Variants in MORC2 observed in about 807,000 individuals in gnomAD.
The protein encoded by MORC2 is MORC family CW-type zinc finger 2.
A neutral mutation model predicts 136.0 loss-of-function variants in MORC2; 30 were observed. The observed-to-expected ratio is 0.22, with a 90% CI of 0.17 to 0.30. MORC2 has a LOEUF of 0.30. Among genes scored for constraint, MORC2 ranks in the 10% least tolerant of loss-of-function variants. The probability of loss-of-function intolerance (pLI) is 1.00; values close to 1 mark genes in which losing one functional copy is unlikely to be tolerated. For synonymous variants in MORC2, 439 were observed against 487.0 expected (o/e 0.90, Z 1.30); for missense variants, 922 against 1,333.1 (o/e 0.69, Z 4.80).
At chr22:30,944,199 C>T (rs990394181) in intron 6 of MORC2, among the ~76,000 whole-genome samples, 14 of 152,152 alleles carry the variant, frequency 9.2e-5, no homozygotes, top group Non-Finnish European at 1.9e-4. Context: ...AAATAGCGAC[C>T]TTCTAGCACC....
chr22:30,952,671 A>C (rs762217524), intron 3 of MORC2, among the ~76,000 whole-genome samples: 87 of 152,240 alleles, frequency 5.7e-4, no homozygotes, highest in Non-Finnish European at 1.2e-3. Flanking sequence ...CAACTTTGTA[A>C]ACAGACAGTG....
At position 30,933,020 on chromosome 22, in the gene MORC2, C is replaced by T. The variant is rs1407905522; in HGVS notation, c.2391G>A (p.Leu797=). The T allele has an allele frequency of 6.2e-7, 1 of 1,613,948 alleles. No homozygotes were observed. The highest frequency in any genetic ancestry group is 1.3e-5 in the African/African-American group (1 of 74,944). ...CCCTGTTCACACGCACCTCCACGTG[C>T]AGCCCTTTATCTGACAATGTAGACA... is the stretch of plus-strand genomic sequence containing the variant. ...DLKRAQKDKG[L]HVEVRVNREW... Residue 797 remains leucine, a synonymous_variant, in exon 22 of 26, where the codon CTG becomes CTA. Transcript: ENST00000397641.
At chr22:30,946,883 C>T (rs1410357643) in intron 5 of MORC2, among the ~76,000 whole-genome samples, 3 of 152,004 alleles carry the variant, frequency 2.0e-5, no homozygotes, top group African/African-American at 7.3e-5. Context: ...TAGCTGGTAC[C>T]CTCAACACGT....
In MORC2 at chr22:30,932,342, G is replaced by C. The variant is rs1426263323; in HGVS notation, c.2841+17C>G. On this transcript the variant is annotated intron_variant, in intron 24 of 25. Coordinates refer to ENST00000397641, the MANE Select transcript of MORC2 (RefSeq NM_001303256.3). This position sits in a 1 kb window ranked among gnomAD's most constrained non-coding sequence, Gnocchi z 4.4. ...GGGGAATGAAGAGTGTGGAATCGAA[G>C]GTCAGGCCAGACTCACCAGAGGAAA... is the stretch of plus-strand genomic sequence containing the variant. 6.3e-7 allele frequency: 1 copy of C among 1,592,056 alleles called. No homozygotes were observed. Among genetic ancestry groups the C allele is most frequent in the Non-Finnish European group, 8.6e-7 (1 of 1,161,818 alleles).
chr22:30,927,961 G>A, intron 25 of MORC2, 58 bp downstream of exon 25: 2 of 1,592,654 alleles, frequency 1.3e-6, no homozygotes, highest in Non-Finnish European at 1.7e-6. Flanking sequence ...CAGGGCCCAG[G>A]CCCCCCTCCC....
intron 4 of MORC2, 40 bp downstream of exon 4, chr22:30,950,337 G>GCAAA: frequency 2.6e-6 from 2 of 761,762 alleles, no homozygotes; most frequent in South Asian, 1.4e-5. Flanking sequence ...TGGTTACATC[G>GCAAA]CACCCCCCCA....
chr22:30,966,735 G>A (rs183064712), intron 1 of MORC2, among the ~76,000 whole-genome samples: 61 of 152,132 alleles, frequency 4.0e-4, no homozygotes, highest in Middle Eastern at 3.4e-3. Flanking sequence ...CCAAGATTGC[G>A]CCACCCCACT....
rs560801094 is a variant in MORC2, at chr22:30,943,649, A to G, written c.427-1378T>C. Reference sequence around the variant, plus strand: ...GCCAGGCTAAGCACCTCAGGGGTTCAAACCCTTAGGAAAAAGGGACTCTGT... The same window carrying G: ...GCCAGGCTAAGCACCTCAGGGGTTCGAACCCTTAGGAAAAAGGGACTCTGT... On this transcript the variant is annotated intron_variant, in intron 6 of 25. Coordinates refer to ENST00000397641, the MANE Select transcript of MORC2 (RefSeq NM_001303256.3). Among the ~76,000 whole-genome samples, 12 of 152,352 alleles carry G rather than the reference A, an allele frequency of 7.9e-5. No homozygotes were observed. The South Asian group carries it at 2.3e-3, about 29-fold the overall frequency.
intron 2 of MORC2, among the ~76,000 whole-genome samples, chr22:30,957,385 A>T (rs1022138677): frequency 7.9e-5 from 12 of 152,244 alleles, no homozygotes; most frequent in African/African-American, 2.2e-4. Context: ...AATCATACAG[A>T]TTCAGTTATC....
chr22:30,926,305 A>G lies in MORC2; in HGVS notation c.*498T>C, dbSNP rs766857327. 7.2e-4 allele frequency: 110 copies of G among 152,598 alleles called. No homozygotes were observed. Among genetic ancestry groups the G allele is most frequent in the Non-Finnish European group, 1.3e-3 (91 of 68,342 alleles). 9.5% of individuals were successfully genotyped at this position (152,598 alleles called of 1,614,324 possible). The stretch of plus-strand genomic sequence containing the variant: ...CCCTCCAATGTGGAACCTCCTACAC[A>G]GCCCCCCTTTTGGGTCCCTGGATAT... On this transcript the variant is annotated 3_prime_UTR_variant, in exon 26 of 26. Transcript: ENST00000397641.
Position 30,934,010 on chromosome 22 carries a change from C to A in MORC2, c.2325+50G>T, listed in dbSNP as rs369214361. ...GGGGGGTGCAGACTGCTGGTGGGGGCTGCAGGCCCTAGAGAGAGAGGCTTT... is the reference window on the plus strand; with the variant it reads ...GGGGGGTGCAGACTGCTGGTGGGGGATGCAGGCCCTAGAGAGAGAGGCTTT... On this transcript the variant is annotated intron_variant, in intron 20 of 25. Transcript: ENST00000397641. The surrounding 1 kb of genome is among the most constrained non-coding windows in gnomAD (Gnocchi z 4.4). 3.2e-5 allele frequency: 52 copies of A among 1,608,326 alleles called. No homozygotes were observed. The highest frequency in any genetic ancestry group is 4.2e-5 in the Non-Finnish European group (50 of 1,176,768).
chr22:30,950,351 C>CCCCCA, intron 4 of MORC2, 26 bp downstream of exon 4: 1 of 1,380,294 alleles, frequency 7.2e-7, no homozygotes, highest in Non-Finnish European at 1.0e-6. Flanking sequence ...CCCCCCACCC[C>CCCCCA]CCAAAACAAT....
At chr22:30,926,897 A>T in intron 25 of MORC2, 26 bp from the exon 26 acceptor site, 3 of 1,601,356 alleles carry the variant, frequency 1.9e-6, no homozygotes, top group Non-Finnish European at 2.6e-6. Flanking sequence ...GTAGGGATCA[A>T]CTGGGGGCCA....
chr22:30,931,040 G>A (rs1307899004), intron 24 of MORC2, among the ~76,000 whole-genome samples: 3 of 152,054 alleles, frequency 2.0e-5, no homozygotes, highest in Non-Finnish European at 2.9e-5. Flanking sequence ...GTCTCCTGAC[G>A]ACCTCTGACA....
At chr22:30,938,361 T>G (rs1367358462) in intron 12 of MORC2, among the ~76,000 whole-genome samples, 156 bp from the exon 13 acceptor site, 2 of 152,206 alleles carry the variant, frequency 1.3e-5, no homozygotes, top group Non-Finnish European at 2.9e-5. Context: ...GATATGGACA[T>G]GCACTGGGCA....
chr22:30,949,062 T>C (rs1366169249), intron 5 of MORC2, among the ~76,000 whole-genome samples: 1 of 152,186 alleles, frequency 6.6e-6, no homozygotes, highest in Non-Finnish European at 1.5e-5. Flanking sequence ...ACAATTCCAT[T>C]TGCACAAACT....
At chr22:30,938,336 T>A in intron 12 of MORC2, 131 bp from the exon 13 acceptor site, 1 of 1,033,512 alleles carries the variant, frequency 9.7e-7, no homozygotes, top group Non-Finnish European at 1.4e-6. Context: ...ATTTGATGTG[T>A]AACCTGTTAG....
chr22:30,942,309 C>T (rs377422298), intron 6 of MORC2, 38 bp from the exon 7 acceptor site: 13 of 1,577,932 alleles, frequency 8.2e-6, no homozygotes, highest in Middle Eastern at 2.3e-4. Context: ...TAAGGGAAGC[C>T]CCAGAACAGC....
intron 10 of MORC2, 106 bp from the exon 11 acceptor site, chr22:30,940,147 A>G (rs1474487711): frequency 8.8e-7 from 1 of 1,132,990 alleles, no homozygotes; most frequent in Non-Finnish European, 1.3e-6. Flanking sequence ...CCACCAAGGA[A>G]AAAAAGAGTA....
Sources: allele counts gnomAD v4.1 joint callset (sites outside exome capture counted in the v4.1 genomes callset), GRCh38; gene constraint gnomAD v4.1.1; non-coding constraint Gnocchi (gnomAD v3.1); transcripts MANE v1.5; gene names NCBI Gene and HGNC (gene_info 2026-07-23, HGNC 2026-07-21).